Variants in RGS9 observed in about 807,000 individuals in gnomAD.
RGS9 encodes the protein regulator of G protein signaling 9, also known as regulator of G-protein signalling 9.
RGS9 carries 78 observed loss-of-function variants against 102.0 expected under a neutral mutation model. The observed-to-expected ratio is 0.76, with a 90% CI of 0.64 to 0.92. RGS9 has a LOEUF of 0.92. Ranked by LOEUF, RGS9 falls within the 40% of genes least tolerant of loss-of-function variation. RGS9 has a pLI of 0.00. For synonymous variants in RGS9, 353 were observed against 318.6 expected (o/e 1.11, Z -1.15); for missense variants, 833 against 866.1 (o/e 0.96, Z 0.48).
chr17:65,198,402 C>T (rs1218916356), intron 13 of RGS9, among the ~76,000 whole-genome samples: 8 of 152,098 alleles, frequency 5.3e-5, no homozygotes, highest in South Asian at 4.1e-4. Flanking sequence ...ACTATAGGCA[C>T]GTGCCACCAC....
At position 65,158,232 on chromosome 17, in the gene RGS9, G is replaced by A. The variant is rs976187879; in HGVS notation, c.155-63G>A. 50 of 1,486,782 alleles carry A rather than the reference G, an allele frequency of 3.4e-5. No homozygotes were observed. The Middle Eastern group carries it at 6.9e-4, about 20-fold the overall frequency. The allele number at this position is 1,486,782 out of a possible 1,614,324, so 92.1% of individuals were successfully genotyped here. On this transcript the variant is annotated intron_variant, in intron 2 of 18. Transcript: ENST00000262406. The stretch of plus-strand genomic sequence containing the variant: ...GGAAGGAGACCAGTCAGGCAACAGC[G>A]TGGAGGAGCGGGGATGTGTCAGGAG...
At chr17:65,148,938 G>A (rs955397414) in intron 1 of RGS9, among the ~76,000 whole-genome samples, 1 of 151,674 alleles carries the variant, frequency 6.6e-6, no homozygotes, top group African/African-American at 2.4e-5. Context: ...ATATCCCTAC[G>A]ATGATTGGTT....
intron 5 of RGS9, 75 bp downstream of exon 5, chr17:65,160,662 C>CAGCAAGACAAATGTCACCAA: frequency 6.5e-7 from 1 of 1,537,224 alleles, no homozygotes; most frequent in Non-Finnish European, 9.0e-7. Context: ...ACTTTGGTGA[C>CAGCAAGACAAATGTCACCAA]ATTTGTCTTG....
chr17:65,208,360 A>G (rs938485603), intron 16 of RGS9, among the ~76,000 whole-genome samples: 2 of 152,210 alleles, frequency 1.3e-5, no homozygotes, highest in Admixed American at 1.3e-4. Context: ...ATTAAGGTAC[A>G]TCCTTGTATT....
intron 2 of RGS9, among the ~76,000 whole-genome samples, chr17:65,155,265 C>T (rs1910726715): frequency 6.6e-6 from 1 of 152,214 alleles, no homozygotes. Context: ...CTGACCCTGT[C>T]CCCCTCCCTG....
At position 65,204,173 on chromosome 17, in the gene RGS9, G is replaced by GC; in HGVS notation, c.1079dup (p.Ala362GlyfsTer53). 3.1e-6 allele frequency: 5 copies of GC among 1,612,522 alleles called. No homozygotes were observed. The highest frequency in any genetic ancestry group is 4.2e-6 in the Non-Finnish European group (5 of 1,180,000). ...TCCCTCCCACCCCAGGCTGTTCCTG[G>GC]CCCCGGGGGCGAGGCGCTGGATCAA... On this transcript the variant is annotated frameshift_variant, in exon 15 of 19. Transcript: ENST00000262406. LOFTEE classifies it high-confidence loss of function.
chr17:65,207,185 AG>A (rs1420973984), intron 15 of RGS9, among the ~76,000 whole-genome samples: 1 of 152,198 alleles, frequency 6.6e-6, no homozygotes, highest in African/African-American at 2.4e-5. Flanking sequence ...CAGGGCAGAA[AG>A]GGATGTCAAT....
intron 1 of RGS9, among the ~76,000 whole-genome samples, chr17:65,148,846 C>T (rs1336659448): frequency 6.6e-6 from 1 of 152,186 alleles, no homozygotes; most frequent in East Asian, 1.9e-4. Context: ...CCATGTCTGA[C>T]TTGCAATTGC....
At chr17:65,201,199 C>T (rs1283975254) in intron 13 of RGS9, among the ~76,000 whole-genome samples, 1 of 152,154 alleles carries the variant, frequency 6.6e-6, no homozygotes, top group Non-Finnish European at 1.5e-5. Context: ...ACTGTATGAA[C>T]ATATGCGTGG....
At position 65,213,596 on chromosome 17, in the gene RGS9, C is replaced by T. The variant is rs116241100; in HGVS notation, c.1407+2991C>T. 8.4e-3 allele frequency among the ~76,000 whole-genome samples: 1,277 copies of T among 151,954 alleles called. 19 individuals are homozygous for T. Among genetic ancestry groups the T allele is most frequent in the African/African-American group, 0.029 (1,209 of 41,430 alleles). On this transcript the variant is annotated intron_variant, in intron 17 of 18. Coordinates refer to ENST00000262406, the MANE Select transcript of RGS9 (RefSeq NM_003835.4). ...GTGGTGAGGGTGGTGGTGTGGGCAT[C>T]GCATGCATTGTGGCTTCTACAGGGC...
intron 18 of RGS9, 71 bp downstream of exon 18, chr17:65,225,557 GC>G: frequency 6.3e-7 from 1 of 1,594,728 alleles, no homozygotes; most frequent in Non-Finnish European, 8.5e-7. Context: ...ATGTGAATAT[GC>G]ATGCTTTGGG....
intron 7 of RGS9, among the ~76,000 whole-genome samples, chr17:65,166,180 C>T (rs1350302865): frequency 1.3e-5 from 2 of 152,216 alleles, no homozygotes; most frequent in Non-Finnish European, 2.9e-5. Flanking sequence ...TGCTGTCCCA[C>T]CTTTTATGGC....
In RGS9 at chr17:65,210,589, C is replaced by A. The variant is rs774828267; in HGVS notation, c.1391C>A (p.Thr464Asn). The A allele has an allele frequency of 1.9e-6, 3 of 1,614,060 alleles. No homozygotes were observed. Among genetic ancestry groups the A allele is most frequent in the Non-Finnish European group, 2.5e-6 (3 of 1,180,042 alleles). Residue 464 changes from threonine to asparagine, a missense_variant, in exon 17 of 19, where the codon ACT (threonine) becomes AAT (asparagine). Physicochemically the swap from Thr to Asn is moderately conservative, Grantham distance 65. This residue lies in a region of RGS9 where 185 missense variants were observed against 248.7 expected (regional missense o/e 0.74). Transcript: ENST00000262406. The stretch of plus-strand genomic sequence containing the variant: ...GCCAAGGCCCGAGAAGCAGCCAACA[C>A]TGTGGACATCACCCAGGTCATGAGC... ...EEAKAREAANTVDITQPGQHM... is the reference protein window; with the variant it reads ...EEAKAREAANNVDITQPGQHM...
intron 17 of RGS9, among the ~76,000 whole-genome samples, chr17:65,222,862 A>G (rs1230119637): frequency 1.3e-5 from 2 of 152,158 alleles, no homozygotes; most frequent in African/African-American, 4.8e-5. Context: ...TGGTGGGGCC[A>G]GGTTCTGCCT....
At chr17:65,185,640 G>A (rs1379893216) in intron 9 of RGS9, among the ~76,000 whole-genome samples, 1 of 152,164 alleles carries the variant, frequency 6.6e-6, no homozygotes, top group Non-Finnish European at 1.5e-5. Context: ...TCCTATTAAT[G>A]GAGAGCAAGC....
At position 65,173,305 on chromosome 17, in the gene RGS9, C is replaced by A. The variant is rs866880652; in HGVS notation, c.583-4427C>A. Among the ~76,000 whole-genome samples, 1 of 152,102 alleles carries A rather than the reference C, an allele frequency of 6.6e-6. No homozygotes were observed. The highest frequency in any genetic ancestry group is 6.5e-5 in the Admixed American group (1 of 15,278). On this transcript the variant is annotated intron_variant, in intron 8 of 18. Transcript: ENST00000262406. This position sits in a 1 kb window ranked among gnomAD's most constrained non-coding sequence, Gnocchi z 4.8. ...TAGTATTTGTTTTCTGTTCCATGCA[C>A]CAGAAGAGTCTGATATTTTTGGGAA...
intron 9 of RGS9, among the ~76,000 whole-genome samples, chr17:65,186,077 G>GGTCTT (rs56348349): frequency 0.3 from 45,338 of 151,810 alleles, 10,406 homozygotes; most frequent in African/African-American, 0.64. Flanking sequence ...GCACGATTCT[G>GGTCTT]CACCATCATG....
At chr17:65,210,256 C>T (rs772390340) in intron 16 of RGS9, among the ~76,000 whole-genome samples, 15 of 152,214 alleles carry the variant, frequency 9.9e-5, no homozygotes, top group Admixed American at 2.6e-4. Context: ...ACAAAAGGGT[C>T]TTCCTTGTGC....
intron 2 of RGS9, 112 bp downstream of exon 2, chr17:65,153,630 G>A (rs1396141444): frequency 4.4e-5 from 37 of 846,594 alleles, no homozygotes; most frequent in South Asian, 3.1e-4. Flanking sequence ...AGTGGCTCAC[G>A]CCTGTAATCC....
Sources: allele counts gnomAD v4.1 joint callset (sites outside exome capture counted in the v4.1 genomes callset), GRCh38; gene constraint gnomAD v4.1.1; regional missense constraint gnomAD v4.1.1; non-coding constraint Gnocchi (gnomAD v3.1); transcripts MANE v1.5; gene names NCBI Gene and HGNC (gene_info 2026-07-23, HGNC 2026-07-21).